Variants in RGS5 observed in about 807,000 individuals in gnomAD.
RGS5 encodes regulator of G protein signaling 5.
In RGS5, 20 loss-of-function variants were observed where a neutral mutation model predicts 18.9. That is an observed-to-expected ratio of 1.06 (90% CI 0.74 to 1.54). The LOEUF is 1.54. Ranked by LOEUF, RGS5 falls within the 40% of genes most tolerant of loss-of-function variation. The pLI, the probability that RGS5 is intolerant of heterozygous loss-of-function variation, is 0.00. For missense variants in RGS5, 201 were observed against 211.8 expected, an observed-to-expected ratio of 0.95 and a Z score of 0.32; for synonymous variants, 57 against 76.2, an observed-to-expected ratio of 0.75 and a Z score of 1.31.
chr1:163,178,182 G>A (rs1422145709), intron 1 of RGS5, among the ~76,000 whole-genome samples: 1 of 152,068 alleles, frequency 6.6e-6, no homozygotes, highest in East Asian at 1.9e-4. Context: ...GTGGTGGTAC[G>A]TGCCTGTAGT....
chr1:163,242,114 A>T (rs1370925667), intron 2 of RGS5, among the ~76,000 whole-genome samples: 1 of 152,152 alleles, frequency 6.6e-6, no homozygotes, highest in East Asian at 1.9e-4. Flanking sequence ...TGTTTTTAAA[A>T]TTTTTCATTC....
chr1:163,255,268 T>A (rs928492792), intron 2 of RGS5, among the ~76,000 whole-genome samples: 2 of 152,218 alleles, frequency 1.3e-5, no homozygotes, highest in Non-Finnish European at 2.9e-5. Context: ...TATTGATTCT[T>A]TCTACCCATG....
intron 2 of RGS5, among the ~76,000 whole-genome samples, chr1:163,268,094 A>G (rs2101709978): frequency 6.6e-6 from 1 of 152,154 alleles, no homozygotes; most frequent in Admixed American, 6.6e-5. Context: ...CAAACATTTT[A>G]TCTGGTCAGC....
upstream of RGS5, among the ~76,000 whole-genome samples, chr1:163,219,702 A>C (rs995522309): frequency 6.6e-6 from 1 of 152,204 alleles, no homozygotes; most frequent in Non-Finnish European, 1.5e-5. Context: ...AATATAAAAT[A>C]TAAAAACAAA....
intron 2 of RGS5, among the ~76,000 whole-genome samples, chr1:163,271,043 T>C (rs1453197829): frequency 1.3e-5 from 2 of 152,154 alleles, no homozygotes; most frequent in Non-Finnish European, 2.9e-5. Context: ...GCATTATCAT[T>C]ACCATCCAGT....
At chr1:163,208,759 A>T (rs1660026186) in intron 1 of RGS5, among the ~76,000 whole-genome samples, 1 of 152,136 alleles carries the variant, frequency 6.6e-6, no homozygotes, top group Admixed American at 6.5e-5. Flanking sequence ...GCCACAACTT[A>T]AAATGGAAAT....
intron 2 of RGS5, among the ~76,000 whole-genome samples, chr1:163,246,576 C>CA (rs1252456486): frequency 1.3e-5 from 2 of 151,836 alleles, no homozygotes; most frequent in Non-Finnish European, 2.9e-5. Context: ...GTCTGAAAAA[C>CA]AAAAAACAAA....
At chr1:163,207,445 C>A (rs1204553102), upstream of RGS5, among the ~76,000 whole-genome samples, 2 of 152,126 alleles carry the variant, frequency 1.3e-5, no homozygotes, top group African/African-American at 4.8e-5. Flanking sequence ...AATTTAGACT[C>A]CTAACAGAAA....
chr1:163,181,926 T>C (rs1371957060), intron 1 of RGS5, among the ~76,000 whole-genome samples: 1 of 152,146 alleles, frequency 6.6e-6, no homozygotes, highest in African/African-American at 2.4e-5. Context: ...ATTCCGACCC[T>C]TCATTTTTCT....
intron 4 of RGS5, among the ~76,000 whole-genome samples, chr1:163,147,926 T>TC (rs1553211788): frequency 6.6e-4 from 83 of 125,686 alleles, no homozygotes; most frequent in African/African-American, 1.9e-3. Flanking sequence ...TTCTTTTTTT[T>TC]TTTTTTTTTT....
chr1:163,156,131 C>A (rs185831054), intron 3 of RGS5, among the ~76,000 whole-genome samples: 19 of 152,214 alleles, frequency 1.2e-4, no homozygotes, highest in Non-Finnish European at 2.2e-4. Flanking sequence ...AAAATGAAGT[C>A]ATTGATAGTT....
chr1:163,213,904 C>T (rs1421288196), intron 1 of RGS5, among the ~76,000 whole-genome samples: 1 of 152,172 alleles, frequency 6.6e-6, no homozygotes, highest in Non-Finnish European at 1.5e-5. Flanking sequence ...AACTTCTCCA[C>T]CTGCAAGATC....
At chr1:163,280,455 A>AT (rs1648964150) in intron 2 of RGS5, among the ~76,000 whole-genome samples, 1 of 152,320 alleles carries the variant, frequency 6.6e-6, no homozygotes, top group Admixed American at 6.5e-5. Flanking sequence ...ATAAAATTCA[A>AT]TAACTTTTCA....
At chr1:163,285,669 G>T (rs1649124838) in intron 2 of RGS5, among the ~76,000 whole-genome samples, 1 of 152,166 alleles carries the variant, frequency 6.6e-6, no homozygotes, top group Non-Finnish European at 1.5e-5. Context: ...TGGAGGAGGG[G>T]CCTGGTGGGA....
chr1:163,230,861 C>T (rs750151704), intron 2 of RGS5, among the ~76,000 whole-genome samples: 8 of 151,988 alleles, frequency 5.3e-5, no homozygotes, highest in Non-Finnish European at 1.0e-4. Flanking sequence ...ACATAAGAGG[C>T]GTAACAGGAT....
chr1:163,172,192 A>G (rs900868586), intron 1 of RGS5, among the ~76,000 whole-genome samples: 4 of 152,260 alleles, frequency 2.6e-5, no homozygotes, highest in African/African-American at 9.6e-5. Flanking sequence ...ACCTCTATAC[A>G]GTACCTAGCT....
At chr1:163,224,984 G>C in intron 2 of RGS5, among the ~76,000 whole-genome samples, 1 of 151,848 alleles carries the variant, frequency 6.6e-6, no homozygotes, top group Non-Finnish European at 1.5e-5. Flanking sequence ...AGGTTGTCTC[G>C]TCACTCTGTT....
chr1:163,317,120 T>C (rs1650048453), intron 1 of RGS5, among the ~76,000 whole-genome samples: 1 of 152,176 alleles, frequency 6.6e-6, no homozygotes, highest in South Asian at 2.1e-4. Context: ...CATTGTCATG[T>C]GTATGTTTCA....
At chr1:163,259,334 CT>C (rs200215455) in intron 2 of RGS5, among the ~76,000 whole-genome samples, 2 of 144,060 alleles carry the variant, frequency 1.4e-5, no homozygotes, top group South Asian at 2.2e-4. Context: ...TTTTTTTTAT[CT>C]TTTTTTTTTC....
Sources: allele counts gnomAD v4.1 joint callset (sites outside exome capture counted in the v4.1 genomes callset), GRCh38; gene constraint gnomAD v4.1.1; transcripts MANE v1.5; gene names NCBI Gene and HGNC (gene_info 2026-07-23, HGNC 2026-07-21).